LSS: variants seen among roughly 807,000 people sequenced by gnomAD.
LSS encodes 2,3-epoxysqualene-lanosterol cyclase.
Under a neutral mutation model 110.3 loss-of-function variants are expected in LSS, and 90 were observed. The ratio of observed to expected loss-of-function variants is 0.82; its 90% CI spans 0.69 to 0.97. The LOEUF (loss-of-function observed/expected upper bound fraction) is 0.97. Ranked by LOEUF, LSS falls within the 50% of genes least tolerant of loss-of-function variation. The pLI is 0.00. For missense variants in LSS, 927 were observed against 990.0 expected (o/e 0.94, Z 0.85); for synonymous variants, 433 against 400.0 (o/e 1.08, Z -0.98).
intron 14 of LSS, among the ~76,000 whole-genome samples, chr21:46,208,006 C>T (rs2080076321): frequency 6.6e-6 from 1 of 152,256 alleles, no homozygotes; most frequent in Admixed American, 6.5e-5. Context: ...CTGTGTGTGC[C>T]GTGACCACTG....
intron 3 of LSS, chr21:46,224,851 C>A (rs2080317849): frequency 7.4e-6 from 1 of 134,614 alleles, no homozygotes. Flanking sequence ...TGGCTCACGC[C>A]TGTAATCCCA....
At chr21:46,213,956 C>A in intron 9 of LSS, 121 bp from the exon 10 acceptor site, 3 of 710,776 alleles carry the variant, frequency 4.2e-6, no homozygotes, top group East Asian at 2.7e-5. Context: ...TCACTCAGGG[C>A]CAGGACAGGG....
intron 3 of LSS, among the ~76,000 whole-genome samples, chr21:46,226,596 T>C (rs1212386121): frequency 1.3e-5 from 2 of 152,244 alleles, no homozygotes; most frequent in South Asian, 4.1e-4. Context: ...CTCAGCTTTC[T>C]AATGTATCTC....
intron 18 of LSS, 56 bp downstream of exon 18, chr21:46,196,146 A>T (rs529733600): frequency 6.6e-6 from 10 of 1,525,910 alleles, no homozygotes; most frequent in African/African-American, 4.1e-5. Flanking sequence ...AGTGTGTGAG[A>T]GCAGAAACCT....
In LSS at chr21:46,191,072, G is replaced by T; in HGVS notation, c.*32C>A. The T allele has an allele frequency of 6.2e-7, 1 of 1,613,170 alleles. No individual in the cohort carries two copies. The highest frequency in any genetic ancestry group is 8.5e-7 in the Non-Finnish European group (1 of 1,179,652). ...CAGGACCCCTTGGCCTCACTGGAAC[G>T]CACAGACGGCACCCAGCAGGTAGGC... On this transcript the variant is annotated 3_prime_UTR_variant, in exon 22 of 22. Transcript: ENST00000397728.
At chr21:46,225,640 A>G (rs191291490) in intron 3 of LSS, among the ~76,000 whole-genome samples, 5 of 152,342 alleles carry the variant, frequency 3.3e-5, no homozygotes, top group Admixed American at 2.0e-4. Context: ...TGCCTTTTAG[A>G]TAACAGTAGC....
Position 46,217,984 on chromosome 21 carries a change from C to T in LSS, c.648-1460G>A, listed in dbSNP as rs940699342. Reference sequence around the variant, plus strand: ...GGTGATCTCACCATCCCTGTGCCTCCCCGTCACCACCCAAACTGGCTTCCG... The same window carrying T: ...GGTGATCTCACCATCCCTGTGCCTCTCCGTCACCACCCAAACTGGCTTCCG... On this transcript the variant is annotated intron_variant, in intron 6 of 21. Transcript: ENST00000397728. Among the ~76,000 whole-genome samples the T allele has an allele frequency of 4.6e-5, 7 of 152,170 alleles. 1 individual carries two copies. In the South Asian group the frequency reaches 1.4e-3, roughly 31 times the overall value.
chr21:46,216,626 T>C lies in LSS; in HGVS notation c.648-102A>G, dbSNP rs915052464. 4 of 1,372,964 alleles carry C rather than the reference T, an allele frequency of 2.9e-6. No homozygotes were observed. Among genetic ancestry groups the C allele is most frequent in the Non-Finnish European group, 3.9e-6 (4 of 1,034,962 alleles). The allele number at this position is 1,372,964 out of a possible 1,614,324, so 85.0% of individuals were successfully genotyped here. On this transcript the variant is annotated intron_variant, in intron 6 of 21. Transcript: ENST00000397728. The surrounding 1 kb of genome is among the most constrained non-coding windows in gnomAD (Gnocchi z 4.2). ...CCTTTCAAGCACGAACACTGGTGGA[T>C]GGCTATTCCCCACCACGTCAGTGCA...
At chr21:46,191,682 A>T (rs1170241950) in intron 21 of LSS, among the ~76,000 whole-genome samples, 199 bp downstream of exon 21, 1 of 152,160 alleles carries the variant, frequency 6.6e-6, no homozygotes, top group East Asian at 1.9e-4. Context: ...CATCACTTGA[A>T]ACAACAGCAA....
intron 17 of LSS, among the ~76,000 whole-genome samples, chr21:46,203,292 C>T (rs1207330913): frequency 6.6e-6 from 1 of 152,298 alleles, no homozygotes; most frequent in East Asian, 1.9e-4. Context: ...AAAAATAACC[C>T]AGAGGCTACT....
intron 17 of LSS, among the ~76,000 whole-genome samples, chr21:46,197,634 A>G (rs1405317923): frequency 6.6e-6 from 1 of 152,256 alleles, no homozygotes; most frequent in Non-Finnish European, 1.5e-5. Context: ...CACGCCTTGT[A>G]ATCCCAGCAC....
intron 17 of LSS, among the ~76,000 whole-genome samples, chr21:46,203,155 G>T (rs1029227563): frequency 6.6e-6 from 1 of 152,262 alleles, no homozygotes; most frequent in Admixed American, 6.5e-5. Flanking sequence ...GATGGGGGCT[G>T]ACCCAGGCAG....
chr21:46,199,032 T>C (rs368572630), intron 17 of LSS, among the ~76,000 whole-genome samples: 15 of 152,242 alleles, frequency 9.9e-5, no homozygotes, highest in African/African-American at 3.1e-4. Context: ...AAAGAGAACA[T>C]TGATAAGCTG....
intron 17 of LSS, among the ~76,000 whole-genome samples, chr21:46,198,846 A>AT (rs2079944011): frequency 6.6e-6 from 1 of 151,820 alleles, no homozygotes; most frequent in Non-Finnish European, 1.5e-5. Context: ...AAAAAAAAAA[A>AT]AAAAAATCTA....
At position 46,203,837 on chromosome 21, in the gene LSS, G is replaced by GA. The variant is rs2080011398; in HGVS notation, c.1670+1998dup. On this transcript the variant is annotated intron_variant, in intron 17 of 21. Coordinates refer to ENST00000397728, the MANE Select transcript of LSS (RefSeq NM_002340.6). ...ACTCATGGGCCAGAGAAGAACAGTA[G>GA]AAACAGAAAACACTTTTAGTATCTG... 3.3e-5 allele frequency among the ~76,000 whole-genome samples: 5 copies of GA among 152,204 alleles called. No individual in the cohort carries two copies. In the South Asian group the frequency reaches 8.3e-4, roughly 25 times the overall value.
intron 20 of LSS, chr21:46,193,901 G>C (rs2079868682): frequency 4.5e-6 from 2 of 447,622 alleles, no homozygotes; most frequent in Non-Finnish European, 8.9e-6. Context: ...ACCTATGTCA[G>C]TGTGTGGCAC....
chr21:46,222,071 A>C (rs2123758856), intron 4 of LSS, 96 bp from the exon 5 acceptor site: 2 of 1,432,248 alleles, frequency 1.4e-6, no homozygotes, highest in East Asian at 2.3e-5. Context: ...AAAACTAAGA[A>C]TGCTAAAATG....
intron 5 of LSS, among the ~76,000 whole-genome samples, chr21:46,221,308 T>A (rs1038623460): frequency 1.3e-5 from 2 of 152,074 alleles, no homozygotes; most frequent in Non-Finnish European, 2.9e-5. Context: ...TTCGTTTAAG[T>A]TTTTGCCAAT....
Position 46,191,157 on chromosome 21 carries a change from G to A in LSS, c.2146C>T (p.Leu716Phe). The A allele has an allele frequency of 6.2e-7, 1 of 1,614,190 alleles. No homozygotes were observed. Residue 716 changes from leucine to phenylalanine, a missense_variant, in exon 22 of 22, where the codon CTC (leucine) becomes TTC (phenylalanine). Coordinates refer to ENST00000397728, the MANE Select transcript of LSS (RefSeq NM_002340.6). ...GGGTACAGCTGGGAGAAGCGGCCGA[G>A]GGCCCAGATGGGGAAGATGTTCCTG... Reference protein sequence around the residue: ...SYRNIFPIWALGRFSQLYPER... With the variant: ...SYRNIFPIWAFGRFSQLYPER...
Sources: gnomAD v4.1 joint callset for allele counts (sites outside exome capture counted in the v4.1 genomes callset) on GRCh38, gnomAD v4.1.1 for gene constraint, Gnocchi (gnomAD v3.1) non-coding constraint, MANE v1.5 for transcripts, NCBI Gene and HGNC (gene_info 2026-07-23, HGNC 2026-07-21) for gene names.